Variants in TMEFF2 observed in about 807,000 individuals in gnomAD.
TMEFF2 encodes the protein tomoregulin-2.
Under a neutral mutation model 53.8 loss-of-function variants are expected in TMEFF2, and 28 were observed. That is an observed-to-expected ratio of 0.52 (90% CI 0.39 to 0.71). The LOEUF (loss-of-function observed/expected upper bound fraction) is 0.71, where lower values mean the gene tolerates loss of function less well. TMEFF2 is among the 30% of genes least tolerant of loss of function. TMEFF2 has a pLI of 0.00. For synonymous variants in TMEFF2, 162 were observed against 166.3 expected, an observed-to-expected ratio of 0.97 and a Z score of 0.20; for missense variants, 353 against 455.2, an observed-to-expected ratio of 0.78 and a Z score of 2.04.
intron 4 of TMEFF2, among the ~76,000 whole-genome samples, chr2:192,138,363 C>A (rs1230971649): frequency 6.6e-6 from 1 of 152,116 alleles, no homozygotes; most frequent in African/African-American, 2.4e-5. Context: ...GCATTGCTTC[C>A]CACTCAGAAT....
intron 4 of TMEFF2, among the ~76,000 whole-genome samples, chr2:192,160,615 A>G (rs529046040): frequency 6.6e-6 from 1 of 152,158 alleles, no homozygotes; most frequent in Non-Finnish European, 1.5e-5. Context: ...CCATGGGGAG[A>G]GACTGATCTA....
chr2:192,108,988 A>G (rs1689214407), intron 4 of TMEFF2, among the ~76,000 whole-genome samples: 1 of 152,054 alleles, frequency 6.6e-6, no homozygotes, highest in Admixed American at 6.6e-5. Flanking sequence ...TAGAATAGGT[A>G]AATTCATAGA....
At chr2:192,146,347 A>G (rs1690250293) in intron 4 of TMEFF2, among the ~76,000 whole-genome samples, 1 of 152,072 alleles carries the variant, frequency 6.6e-6, no homozygotes, top group Admixed American at 6.6e-5. Flanking sequence ...CTAGATTAAA[A>G]TATGCCAGGA....
At chr2:191,997,412 A>G (rs1021416401) in intron 7 of TMEFF2, among the ~76,000 whole-genome samples, 2 of 151,846 alleles carry the variant, frequency 1.3e-5, no homozygotes, top group Non-Finnish European at 2.9e-5. Context: ...GAAAGAAAGA[A>G]TAGATGGTAG....
chr2:192,175,253 T>A (rs12693640), intron 4 of TMEFF2, among the ~76,000 whole-genome samples: 141,822 of 151,606 alleles, frequency 0.94, 66,736 homozygotes, highest in East Asian at 1. Context: ...ATTATCTCCA[T>A]GTTTCAAAGT....
At chr2:191,982,420 A>AT (rs774785461) in intron 7 of TMEFF2, among the ~76,000 whole-genome samples, 10 of 150,266 alleles carry the variant, frequency 6.7e-5, no homozygotes, top group Admixed American at 4.0e-4. Context: ...CAGTTCTGAG[A>AT]TTTTCCCATC....
At chr2:192,066,506 T>C (rs943425409) in intron 4 of TMEFF2, among the ~76,000 whole-genome samples, 1 of 151,878 alleles carries the variant, frequency 6.6e-6, no homozygotes, top group Non-Finnish European at 1.5e-5. Flanking sequence ...GAAGAGATCA[T>C]TACAGAATAT....
At chr2:192,034,043 C>T (rs1574308863) in intron 5 of TMEFF2, among the ~76,000 whole-genome samples, 1 of 151,924 alleles carries the variant, frequency 6.6e-6, no homozygotes, top group South Asian at 2.1e-4. Flanking sequence ...GGCGTGGTGG[C>T]AAGCGCCTGT....
intron 5 of TMEFF2, among the ~76,000 whole-genome samples, chr2:192,003,339 T>A (rs1374799854): frequency 6.6e-6 from 1 of 152,174 alleles, no homozygotes. Flanking sequence ...CTGTTCTACA[T>A]ACTGAAAGTA....
chr2:192,168,362 A>T (rs2106020204), intron 4 of TMEFF2, among the ~76,000 whole-genome samples: 1 of 152,228 alleles, frequency 6.6e-6, no homozygotes, highest in South Asian at 2.1e-4. Context: ...TCAATGTCAA[A>T]TTAAATGAAG....
chr2:192,130,842 G>A (rs1182289796), intron 4 of TMEFF2, among the ~76,000 whole-genome samples: 2 of 151,888 alleles, frequency 1.3e-5, no homozygotes, highest in Admixed American at 6.6e-5. Context: ...ACCTGGGAAA[G>A]CAGAGAAGGG....
At chr2:192,152,064 G>A (rs1574417936) in intron 4 of TMEFF2, among the ~76,000 whole-genome samples, 1 of 151,898 alleles carries the variant, frequency 6.6e-6, no homozygotes, top group East Asian at 1.9e-4. Context: ...TGGTAATCCG[G>A]AGATGAATGT....
intron 4 of TMEFF2, among the ~76,000 whole-genome samples, chr2:192,115,046 C>G (rs1328197965): frequency 6.6e-6 from 1 of 151,916 alleles, no homozygotes; most frequent in Non-Finnish European, 1.5e-5. Context: ...CAATCCCTAT[C>G]AAAATTTGAA....
chr2:192,155,626 TG>T (rs1164904160), intron 4 of TMEFF2, among the ~76,000 whole-genome samples: 1 of 151,984 alleles, frequency 6.6e-6, no homozygotes, highest in African/African-American at 2.4e-5. Flanking sequence ...ATTCCTGGAT[TG>T]TTTTTCTCTC....
intron 4 of TMEFF2, among the ~76,000 whole-genome samples, chr2:192,091,986 A>C (rs1301626189): frequency 6.6e-6 from 1 of 152,122 alleles, no homozygotes; most frequent in Admixed American, 6.6e-5. Context: ...AAAAACATAC[A>C]GCGGCTTGCT....
intron 4 of TMEFF2, among the ~76,000 whole-genome samples, chr2:192,162,163 TAG>T (rs1363079068): frequency 1.3e-5 from 2 of 152,142 alleles, no homozygotes; most frequent in Non-Finnish European, 2.9e-5. Flanking sequence ...TAAACTTACT[TAG>T]GAGACACTTA....
intron 5 of TMEFF2, among the ~76,000 whole-genome samples, chr2:192,045,057 CT>C (rs1334132414): frequency 6.6e-6 from 1 of 152,206 alleles, no homozygotes; most frequent in Non-Finnish European, 1.5e-5. Flanking sequence ...GACCTTCTCT[CT>C]CCCGCCTGCT....
intron 4 of TMEFF2, among the ~76,000 whole-genome samples, chr2:192,123,378 A>G (rs1461891638): frequency 6.6e-6 from 1 of 152,154 alleles, no homozygotes; most frequent in East Asian, 1.9e-4. Flanking sequence ...ATCGATCTAG[A>G]TTACAAAAAC....
chr2:192,173,980 C>T (rs1027963538), intron 4 of TMEFF2, among the ~76,000 whole-genome samples: 1 of 151,678 alleles, frequency 6.6e-6, no homozygotes, highest in African/African-American at 2.4e-5. Context: ...AAGTTATTTG[C>T]ATTACTTAAT....
Sources: allele counts gnomAD v4.1 joint callset (sites outside exome capture counted in the v4.1 genomes callset), GRCh38; gene constraint gnomAD v4.1.1; transcripts MANE v1.5; gene names NCBI Gene and HGNC (gene_info 2026-07-23, HGNC 2026-07-21).